The following BCHE variants were observed in gnomAD, a reference collection of about 807,000 sequenced individuals.
BCHE encodes the protein cholinesterase.
Under a neutral mutation model 51.3 loss-of-function variants are expected in BCHE, and 48 were observed. The observed-to-expected ratio is 0.94, with a 90% confidence interval of 0.74 to 1.19. BCHE has a LOEUF of 1.19. Ranked by LOEUF, BCHE falls within the 50% of genes most tolerant of loss-of-function variation. The pLI is 0.00. For synonymous variants in BCHE, 251 were observed against 238.0 expected, an observed-to-expected ratio of 1.05 and a Z score of -0.50; for missense variants, 847 against 708.2, an observed-to-expected ratio of 1.20 and a Z score of -2.23.
chr3:165,790,861 G>A (rs1713137732), intron 2 of BCHE, among the ~76,000 whole-genome samples: 1 of 152,130 alleles, frequency 6.6e-6, no homozygotes, highest in Non-Finnish European at 1.5e-5. Flanking sequence ...TGACTAGAGT[G>A]GAGGGAGCAA....
chr3:165,799,887 A>G (rs1341600662), intron 2 of BCHE, among the ~76,000 whole-genome samples: 1 of 151,988 alleles, frequency 6.6e-6, no homozygotes, highest in Non-Finnish European at 1.5e-5. Flanking sequence ...ATAAAATGCC[A>G]TATTTTTCCA....
intron 2 of BCHE, among the ~76,000 whole-genome samples, chr3:165,794,843 T>C (rs988282158): frequency 2.2e-4 from 33 of 152,170 alleles, no homozygotes; most frequent in East Asian, 1.2e-3. Context: ...TGAACAAATA[T>C]CATTTATATA....
chr3:165,805,591 TC>T (rs1486497341), intron 2 of BCHE, among the ~76,000 whole-genome samples: 2 of 152,210 alleles, frequency 1.3e-5, no homozygotes, highest in Admixed American at 1.3e-4. Context: ...AAGACATGTC[TC>T]TTCATATGAT....
chr3:165,835,177 A>T (rs5012260), intron 1 of BCHE, among the ~76,000 whole-genome samples: 8,062 of 121,740 alleles, frequency 0.066, 283 homozygotes, highest in Non-Finnish European at 0.093. Flanking sequence ...ATAACTTTCA[A>T]ATAAAAAAGG....
chr3:165,819,887 T>C (rs1714448116), intron 2 of BCHE, among the ~76,000 whole-genome samples: 1 of 152,168 alleles, frequency 6.6e-6, no homozygotes, highest in Admixed American at 6.5e-5. Flanking sequence ...TTTGAAGCAT[T>C]ACATCTGTGT....
At chr3:165,831,259 T>A (rs539446068) in intron 1 of BCHE, among the ~76,000 whole-genome samples, 1 of 152,176 alleles carries the variant, frequency 6.6e-6, no homozygotes, top group African/African-American at 2.4e-5. Flanking sequence ...AAATAAAAAA[T>A]ATTCATTTTA....
chr3:165,822,514 G>A (rs1714568913), intron 2 of BCHE, among the ~76,000 whole-genome samples: 1 of 151,898 alleles, frequency 6.6e-6, no homozygotes, highest in Admixed American at 6.6e-5. Flanking sequence ...AAAATATCAG[G>A]GAATTTTAAG....
At chr3:165,806,515 A>G (rs1713870826) in intron 2 of BCHE, among the ~76,000 whole-genome samples, 1 of 152,178 alleles carries the variant, frequency 6.6e-6, no homozygotes, top group African/African-American at 2.4e-5. Context: ...ACTCTACGAT[A>G]TATTCATACT....
At chr3:165,794,271 C>A (rs1713284508) in intron 2 of BCHE, among the ~76,000 whole-genome samples, 1 of 152,054 alleles carries the variant, frequency 6.6e-6, no homozygotes, top group African/African-American at 2.4e-5. Flanking sequence ...AAAACCTTTT[C>A]TTTCATGGTT....
chr3:165,811,979 A>G (rs766071197), intron 2 of BCHE, among the ~76,000 whole-genome samples: 2 of 151,954 alleles, frequency 1.3e-5, no homozygotes, highest in African/African-American at 2.4e-5. Context: ...TCATCTTTCA[A>G]TCTCCAGAGA....
chr3:165,793,714 G>A (rs748073360), intron 2 of BCHE, among the ~76,000 whole-genome samples: 2 of 152,124 alleles, frequency 1.3e-5, no homozygotes, highest in South Asian at 2.1e-4. Flanking sequence ...GTAACTATTT[G>A]TTGTGGCAAT....
chr3:165,820,473 G>T (rs1424023674), intron 2 of BCHE, among the ~76,000 whole-genome samples: 2 of 151,384 alleles, frequency 1.3e-5, no homozygotes. Flanking sequence ...TAATTTCTAA[G>T]GAGAAAAAAA....
At chr3:165,833,489 G>A (rs73028250) in intron 1 of BCHE, among the ~76,000 whole-genome samples, 14,652 of 152,110 alleles carry the variant, frequency 0.096, 764 homozygotes, top group Admixed American at 0.14. Flanking sequence ...GTATGTGTAT[G>A]TAAACAGAGA....
intron 2 of BCHE, among the ~76,000 whole-genome samples, chr3:165,823,323 A>T (rs1714598493): frequency 6.6e-6 from 1 of 152,108 alleles, no homozygotes; most frequent in Non-Finnish European, 1.5e-5. Flanking sequence ...AGATCTATAA[A>T]TGTTAAGATG....
intron 2 of BCHE, chr3:165,828,172 G>A: frequency 2.3e-6 from 1 of 428,970 alleles, no homozygotes; most frequent in Non-Finnish European, 4.6e-6. Flanking sequence ...AATGTTGCAT[G>A]AGATGTGTAG....
At chr3:165,826,391 A>C (rs1714723288) in intron 2 of BCHE, among the ~76,000 whole-genome samples, 1 of 152,120 alleles carries the variant, frequency 6.6e-6, no homozygotes, top group Middle Eastern at 3.2e-3. Flanking sequence ...AGCGAGACAC[A>C]AGATTATATA....
chr3:165,826,111 T>C (rs1714711744), intron 2 of BCHE, among the ~76,000 whole-genome samples: 1 of 152,062 alleles, frequency 6.6e-6, no homozygotes, highest in Non-Finnish European at 1.5e-5. Flanking sequence ...AAAATAAGCA[T>C]GTGCTTATAT....
intron 2 of BCHE, among the ~76,000 whole-genome samples, chr3:165,801,850 C>T (rs1443539032): frequency 6.6e-6 from 1 of 152,136 alleles, no homozygotes; most frequent in East Asian, 1.9e-4. Context: ...TTTTGCCTCT[C>T]ATTATTCTTA....
At chr3:165,790,842 G>T (rs1170396114) in intron 2 of BCHE, among the ~76,000 whole-genome samples, 3 of 42,858 alleles carry the variant, frequency 7.0e-5, no homozygotes, top group Non-Finnish European at 3.4e-4. Context: ...GAAAGCAAAG[G>T]GGACAGTGTG....
Sources: gnomAD v4.1 joint callset for allele counts (sites outside exome capture counted in the v4.1 genomes callset) on GRCh38, gnomAD v4.1.1 for gene constraint, MANE v1.5 for transcripts, NCBI Gene and HGNC (gene_info 2026-07-23, HGNC 2026-07-21) for gene names.